ZMYND8: variants seen among roughly 807,000 people sequenced by gnomAD.
ZMYND8 encodes zinc finger MYND-type containing 8.
ZMYND8 carries 37 observed loss-of-function variants against 140.8 expected under a neutral mutation model. That is an observed-to-expected ratio of 0.26 (90% CI 0.20 to 0.35). The LOEUF is 0.35. Among genes scored for constraint, ZMYND8 ranks in the 10% least tolerant of loss-of-function variants. The pLI, the probability that ZMYND8 is intolerant of heterozygous loss-of-function variation, is 1.00. For missense variants in ZMYND8, 1,068 were observed against 1,570.0 expected, an observed-to-expected ratio of 0.68 and a Z score of 5.40; for synonymous variants, 592 against 597.1, an observed-to-expected ratio of 0.99 and a Z score of 0.12.
intron 18 of ZMYND8, among the ~76,000 whole-genome samples, chr20:47,226,482 G>A (rs138979131): frequency 8.5e-5 from 13 of 152,276 alleles, no homozygotes; most frequent in Admixed American, 2.6e-4. Flanking sequence ...ATCTTTCTCC[G>A]CACTGAGCAG....
chr20:47,246,855 C>T (rs948758661), intron 13 of ZMYND8, among the ~76,000 whole-genome samples: 2 of 152,180 alleles, frequency 1.3e-5, no homozygotes, highest in Non-Finnish European at 2.9e-5. Flanking sequence ...AAGGGAACAG[C>T]AGGGACAAGC....
intron 3 of ZMYND8, among the ~76,000 whole-genome samples, chr20:47,299,613 C>T (rs903119620): frequency 2.0e-5 from 3 of 151,756 alleles, no homozygotes; most frequent in African/African-American, 7.3e-5. Context: ...GACGGAGTCT[C>T]GCTCTGTTGC....
intron 12 of ZMYND8, among the ~76,000 whole-genome samples, chr20:47,256,357 C>T (rs190844072): frequency 4.6e-5 from 7 of 151,970 alleles, no homozygotes; most frequent in East Asian, 1.9e-4. Context: ...CAGTGGCTCA[C>T]GCCTGTAATC....
intron 17 of ZMYND8, among the ~76,000 whole-genome samples, chr20:47,228,685 G>A (rs2038044630): frequency 1.3e-5 from 2 of 152,122 alleles, no homozygotes; most frequent in African/African-American, 4.8e-5. Flanking sequence ...CTGTTGAAGG[G>A]ACCACCAGGT....
chr20:47,302,552 A>G (rs1358292358), intron 3 of ZMYND8, among the ~76,000 whole-genome samples: 1 of 152,174 alleles, frequency 6.6e-6, no homozygotes, highest in Non-Finnish European at 1.5e-5. Context: ...ATAAAAAAAA[A>G]CACTTCTGGT....
intron 1 of ZMYND8, among the ~76,000 whole-genome samples, chr20:47,349,577 G>T (rs914296283): frequency 5.9e-5 from 9 of 152,190 alleles, no homozygotes; most frequent in African/African-American, 2.2e-4. Context: ...GGATGCTGTT[G>T]ATGGGTTCTG....
intron 2 of ZMYND8, among the ~76,000 whole-genome samples, chr20:47,314,479 A>C (rs1601845040): frequency 6.6e-6 from 1 of 152,214 alleles, no homozygotes; most frequent in East Asian, 1.9e-4. Flanking sequence ...AGCCTGGGCG[A>C]AAGAGAGAGA....
intron 1 of ZMYND8, 67 bp downstream of exon 1, chr20:47,356,590 C>A (rs909303093): frequency 3.7e-6 from 6 of 1,613,828 alleles, no homozygotes; most frequent in African/African-American, 1.3e-5. Flanking sequence ...AGAAATCACA[C>A]TGCTCGCCCA....
intron 3 of ZMYND8, among the ~76,000 whole-genome samples, chr20:47,303,632 G>A (rs1223386686): frequency 6.6e-6 from 1 of 151,968 alleles, no homozygotes; most frequent in Non-Finnish European, 1.5e-5. Context: ...GGAGGTGGAG[G>A]TTGCGGTGAG....
intron 17 of ZMYND8, among the ~76,000 whole-genome samples, chr20:47,228,488 G>A (rs369740415): frequency 6.6e-5 from 10 of 152,328 alleles, no homozygotes; most frequent in African/African-American, 2.2e-4. Context: ...TTATGAACCT[G>A]TATTTTCAAC....
chr20:47,314,649 G>A (rs1569177460), intron 2 of ZMYND8, among the ~76,000 whole-genome samples: 1 of 152,238 alleles, frequency 6.6e-6, no homozygotes. Context: ...GCTAGGGTAT[G>A]TGTATGTGTT....
intron 8 of ZMYND8, among the ~76,000 whole-genome samples, chr20:47,284,330 A>G (rs1027466227): frequency 3.9e-5 from 6 of 152,122 alleles, no homozygotes; most frequent in African/African-American, 1.4e-4. Context: ...CACTTTAACC[A>G]TTCCCCCCAC....
At chr20:47,302,729 T>A (rs567479395) in intron 3 of ZMYND8, among the ~76,000 whole-genome samples, 1 of 152,116 alleles carries the variant, frequency 6.6e-6, no homozygotes, top group Non-Finnish European at 1.5e-5. Flanking sequence ...TAAGACAACG[T>A]TGAATCCAGG....
chr20:47,250,084 C>A (rs2074046221), intron 12 of ZMYND8, among the ~76,000 whole-genome samples: 1 of 152,156 alleles, frequency 6.6e-6, no homozygotes, highest in Non-Finnish European at 1.5e-5. Context: ...GATACTCAAC[C>A]TCTGTCTAAC....
chr20:47,301,439 G>A (rs1284339496), intron 3 of ZMYND8, among the ~76,000 whole-genome samples: 1 of 151,962 alleles, frequency 6.6e-6, no homozygotes, highest in Non-Finnish European at 1.5e-5. Flanking sequence ...TACAGGTGTT[G>A]GCCACTGCTC....
At chr20:47,249,875 T>C (rs532851827) in intron 12 of ZMYND8, among the ~76,000 whole-genome samples, 83 of 151,180 alleles carry the variant, frequency 5.5e-4, no homozygotes, top group African/African-American at 1.8e-3. Flanking sequence ...CCAAGAAAGA[T>C]GGCGACCCCC....
intron 2 of ZMYND8, among the ~76,000 whole-genome samples, chr20:47,335,475 G>T (rs2081320325): frequency 6.6e-6 from 1 of 151,908 alleles, no homozygotes; most frequent in South Asian, 2.1e-4. Flanking sequence ...TCAAGTCATC[G>T]GTAAAGGATC....
intron 3 of ZMYND8, among the ~76,000 whole-genome samples, chr20:47,306,235 A>C (rs2078471733): frequency 6.6e-6 from 1 of 152,000 alleles, no homozygotes; most frequent in South Asian, 2.1e-4. Context: ...TCTATAACAA[A>C]ATAAAAAAAA....
chr20:47,211,132 C>A (rs577136070), intron 22 of ZMYND8, among the ~76,000 whole-genome samples: 56 of 152,274 alleles, frequency 3.7e-4, no homozygotes, highest in African/African-American at 1.3e-3. Context: ...GGGTGTCATG[C>A]TCACAGAGAA....
Sources: gnomAD v4.1 joint callset for allele counts (sites outside exome capture counted in the v4.1 genomes callset) on GRCh38, gnomAD v4.1.1 for gene constraint, MANE v1.5 for transcripts, NCBI Gene and HGNC (gene_info 2026-07-23, HGNC 2026-07-21) for gene names.